The following PCDHA6 variants were observed in gnomAD, a reference collection of about 807,000 sequenced individuals.
PCDHA6 encodes protocadherin alpha 6.
In PCDHA6, 55 loss-of-function variants were observed where a neutral mutation model predicts 60.3. That is an observed-to-expected ratio of 0.91 (90% CI 0.73 to 1.14). The LOEUF is 1.14. Ranked by LOEUF, PCDHA6 falls within the 50% of genes most tolerant of loss-of-function variation. The pLI is 0.00. For missense variants in PCDHA6, 1,327 were observed against 1,256.5 expected (o/e 1.06, Z -0.85); for synonymous variants, 652 against 557.9 (o/e 1.17, Z -2.38).
chr5:140,911,445 A>C (rs1327839733), intron 1 of PCDHA6, among the ~76,000 whole-genome samples: 1 of 152,184 alleles, frequency 6.6e-6, no homozygotes, highest in Non-Finnish European at 1.5e-5. Context: ...CCGCAATTTC[A>C]GCTCTTTCTC....
At chr5:140,927,638 G>C (rs781909639) in intron 1 of PCDHA6, 1 of 1,614,024 alleles carries the variant, frequency 6.2e-7, no homozygotes, top group Admixed American at 1.7e-5. Flanking sequence ...GCACCCAATG[G>C]GACTGTGTTA....
intron 1 of PCDHA6, chr5:140,884,355 T>A (rs1562803326): frequency 1.9e-6 from 3 of 1,613,922 alleles, no homozygotes; most frequent in East Asian, 2.2e-5. Context: ...CTGGTGGATG[T>A]CAATGTTTAC....
Position 140,877,355 on chromosome 5 carries a change from C to T in PCDHA6, c.2394+46870C>T. On this transcript the variant is annotated intron_variant, in intron 1 of 3. Coordinates refer to ENST00000529310, the MANE Select transcript of PCDHA6 (RefSeq NM_018909.4). ...ATCCCGTTCCACGTGGGGCTGTACA[C>T]TGGCGAGATCAGCACGACACGCATC... 1.2e-6 allele frequency: 2 copies of T among 1,614,012 alleles called. No homozygotes were observed. Among genetic ancestry groups the T allele is most frequent in the Non-Finnish European group, 8.5e-7 (1 of 1,179,888 alleles).
At chr5:140,833,823 A>G (rs1772674429) in intron 1 of PCDHA6, among the ~76,000 whole-genome samples, 3 of 152,162 alleles carry the variant, frequency 2.0e-5, no homozygotes, top group Admixed American at 1.3e-4. Flanking sequence ...CTGGGTCCCT[A>G]AAAGAGTACA....
At chr5:140,849,862 C>G in intron 1 of PCDHA6, 1 of 1,598,598 alleles carries the variant, frequency 6.3e-7, no homozygotes, top group Non-Finnish European at 8.6e-7. Flanking sequence ...CCAGCGTTCG[C>G]GCAGTCCGAG....
intron 1 of PCDHA6, among the ~76,000 whole-genome samples, chr5:140,937,688 G>A (rs112584533): frequency 0.018 from 2,711 of 151,860 alleles, 77 homozygotes; most frequent in African/African-American, 0.063. Context: ...TGAGGCAGGC[G>A]GATCACGAGG....
chr5:140,902,750 A>C (rs1367370245), intron 1 of PCDHA6, among the ~76,000 whole-genome samples: 1 of 151,888 alleles, frequency 6.6e-6, no homozygotes. Flanking sequence ...AATCCATTAT[A>C]TCATTCTTAT....
chr5:140,961,878 C>A (rs2095639757), intron 1 of PCDHA6, among the ~76,000 whole-genome samples: 1 of 150,888 alleles, frequency 6.6e-6, no homozygotes, highest in Non-Finnish European at 1.5e-5. Context: ...AATTGACTTA[C>A]TTACATCAGT....
At chr5:140,956,788 G>T (rs2095310590) in intron 1 of PCDHA6, among the ~76,000 whole-genome samples, 1 of 152,094 alleles carries the variant, frequency 6.6e-6, no homozygotes, top group African/African-American at 2.4e-5. Flanking sequence ...GGCTTTGTTT[G>T]CTTGGTGGGC....
chr5:140,962,806 A>G (rs2095710017), intron 1 of PCDHA6, among the ~76,000 whole-genome samples: 1 of 152,204 alleles, frequency 6.6e-6, no homozygotes, highest in Admixed American at 6.5e-5. Context: ...ACAACTCTAA[A>G]CATCAGAGAT....
At chr5:141,001,388 TAC>T (rs1234412755) in intron 3 of PCDHA6, among the ~76,000 whole-genome samples, 4 of 152,238 alleles carry the variant, frequency 2.6e-5, no homozygotes, top group Non-Finnish European at 5.9e-5. Flanking sequence ...CCTAAGATCC[TAC>T]AGAGAACAGG....
intron 1 of PCDHA6, chr5:140,850,534 C>A: frequency 6.3e-7 from 1 of 1,598,276 alleles, no homozygotes; most frequent in Non-Finnish European, 8.6e-7. Flanking sequence ...AAGTCATCGT[C>A]GCGGGCGTCA....
At chr5:140,871,120 C>G (rs1554165154) in intron 1 of PCDHA6, 1 of 1,613,342 alleles carries the variant, frequency 6.2e-7, no homozygotes, top group Non-Finnish European at 8.5e-7. Flanking sequence ...GGAGAGCGGA[C>G]AGGCGCCAAA....
intron 1 of PCDHA6, among the ~76,000 whole-genome samples, chr5:140,846,541 AT>A (rs1226302144): frequency 6.8e-6 from 1 of 147,482 alleles, no homozygotes; most frequent in Non-Finnish European, 1.5e-5. Context: ...TGCCCTGCTA[AT>A]TTTTTGTATT....
At chr5:140,925,408 G>C (rs2082482597) in intron 1 of PCDHA6, among the ~76,000 whole-genome samples, 1 of 152,058 alleles carries the variant, frequency 6.6e-6, no homozygotes, top group Non-Finnish European at 1.5e-5. Flanking sequence ...TCCTTCTTAG[G>C]GAAAGGAACT....
chr5:140,968,121 T>C (rs1554230356), intron 1 of PCDHA6: 2 of 1,614,180 alleles, frequency 1.2e-6, no homozygotes, highest in Non-Finnish European at 1.7e-6. Flanking sequence ...CTCACATCCC[T>C]GCGTACACTG....
chr5:140,843,347 C>T, intron 1 of PCDHA6: 1 of 1,596,018 alleles, frequency 6.3e-7, no homozygotes. Flanking sequence ...CGGCCAGGCT[C>T]CAAAAGCGTC....
chr5:140,877,569 C>T (rs782129855), intron 1 of PCDHA6: 1 of 1,613,806 alleles, frequency 6.2e-7, no homozygotes, highest in Admixed American at 1.7e-5. Flanking sequence ...TTAACGTGTA[C>T]CTCATCATCG....
At chr5:140,937,064 G>A (rs2091301496) in intron 1 of PCDHA6, among the ~76,000 whole-genome samples, 1 of 143,854 alleles carries the variant, frequency 7.0e-6, no homozygotes, top group Admixed American at 7.1e-5. Context: ...TTGAGACGGA[G>A]TCTCGCTCTG....
Sources: gnomAD v4.1 joint callset for allele counts (sites outside exome capture counted in the v4.1 genomes callset) on GRCh38, gnomAD v4.1.1 for gene constraint, MANE v1.5 for transcripts, NCBI Gene and HGNC (gene_info 2026-07-23, HGNC 2026-07-21) for gene names.